CACNA2D3: variants seen among roughly 807,000 people sequenced by gnomAD.
The protein encoded by CACNA2D3 is calcium voltage-gated channel auxiliary subunit alpha2delta 3.
In CACNA2D3, 60 loss-of-function variants were observed where a neutral mutation model predicts 160.6. That is an observed-to-expected ratio of 0.37 (90% CI 0.30 to 0.46). The LOEUF is 0.46. CACNA2D3 is among the 20% of genes least tolerant of loss of function. CACNA2D3 has a pLI of 1.00. For missense variants in CACNA2D3, 1,205 were observed against 1,365.0 expected, an observed-to-expected ratio of 0.88 and a Z score of 1.85; for synonymous variants, 558 against 492.9, an observed-to-expected ratio of 1.13 and a Z score of -1.75.
intron 8 of CACNA2D3, among the ~76,000 whole-genome samples, chr3:54,580,987 A>T (rs1702666639): frequency 6.6e-6 from 1 of 152,188 alleles, no homozygotes; most frequent in Non-Finnish European, 1.5e-5. Flanking sequence ...GGGAAGGCTG[A>T]TGAGTAAAGA....
At chr3:54,449,831 C>T (rs1292880302) in intron 4 of CACNA2D3, among the ~76,000 whole-genome samples, 1 of 152,136 alleles carries the variant, frequency 6.6e-6, no homozygotes, top group Non-Finnish European at 1.5e-5. Context: ...AAGCAAGGAC[C>T]ATTTAAACCT....
chr3:54,642,686 C>T (rs1443584792), intron 11 of CACNA2D3, among the ~76,000 whole-genome samples: 1 of 152,170 alleles, frequency 6.6e-6, no homozygotes, highest in Non-Finnish European at 1.5e-5. Context: ...TCTCTATCTC[C>T]CACTGCTGTT....
intron 4 of CACNA2D3, among the ~76,000 whole-genome samples, chr3:54,468,419 A>G (rs1700667042): frequency 6.6e-6 from 1 of 152,192 alleles, no homozygotes; most frequent in South Asian, 2.1e-4. Flanking sequence ...TGCTTTTCCC[A>G]CAGTCTTTGC....
intron 11 of CACNA2D3, among the ~76,000 whole-genome samples, chr3:54,659,483 A>T (rs1699930745): frequency 6.6e-6 from 1 of 152,188 alleles, no homozygotes; most frequent in African/African-American, 2.4e-5. Context: ...CTTTCACCTG[A>T]TCCCCAGTTC....
At chr3:54,499,906 C>T (rs1039345731) in intron 4 of CACNA2D3, among the ~76,000 whole-genome samples, 1 of 152,006 alleles carries the variant, frequency 6.6e-6, no homozygotes, top group African/African-American at 2.4e-5. Flanking sequence ...TAAATTAGAT[C>T]CAATTGATGG....
At chr3:54,188,228 AAAAC>A (rs138439909) in intron 2 of CACNA2D3, among the ~76,000 whole-genome samples, 9,825 of 150,260 alleles carry the variant, frequency 0.065, 342 homozygotes, top group African/African-American at 0.08. Context: ...GGAGAACTTA[AAAAC>A]AAACAAACAA....
chr3:54,728,410 G>C (rs535279315), intron 11 of CACNA2D3, among the ~76,000 whole-genome samples: 2 of 152,074 alleles, frequency 1.3e-5, no homozygotes, highest in African/African-American at 2.4e-5. Context: ...TCAATTCTAG[G>C]AATTTCATAC....
chr3:54,854,080 C>T (rs113224476), intron 17 of CACNA2D3, among the ~76,000 whole-genome samples: 3 of 152,128 alleles, frequency 2.0e-5, no homozygotes, highest in South Asian at 2.1e-4. Flanking sequence ...GAACAGAGCC[C>T]GGGCGACTGC....
chr3:54,522,299 A>C (rs1701658129), intron 5 of CACNA2D3, among the ~76,000 whole-genome samples: 1 of 152,152 alleles, frequency 6.6e-6, no homozygotes. Context: ...TGATATTATA[A>C]ATGAAATTGT....
intron 11 of CACNA2D3, among the ~76,000 whole-genome samples, chr3:54,651,710 T>G (rs1185483010): frequency 6.6e-6 from 1 of 152,054 alleles, no homozygotes; most frequent in Non-Finnish European, 1.5e-5. Flanking sequence ...GTGCTATAAC[T>G]TGGAGGATAA....
intron 2 of CACNA2D3, among the ~76,000 whole-genome samples, chr3:54,228,668 C>T (rs1259974700): frequency 2.0e-5 from 3 of 152,220 alleles, no homozygotes; most frequent in Non-Finnish European, 4.4e-5. Context: ...TATTCTTTCT[C>T]CCATTATTGC....
At chr3:54,130,711 C>T (rs1016100598) in intron 2 of CACNA2D3, among the ~76,000 whole-genome samples, 8 of 152,196 alleles carry the variant, frequency 5.3e-5, no homozygotes, top group Non-Finnish European at 7.3e-5. Context: ...CTTGTCTTTG[C>T]GTGATCCTTT....
At chr3:54,652,151 G>A (rs150461495) in intron 11 of CACNA2D3, among the ~76,000 whole-genome samples, 17 of 151,860 alleles carry the variant, frequency 1.1e-4, no homozygotes, top group African/African-American at 3.4e-4. Flanking sequence ...GCCTCCACAC[G>A]ACCGTCACTC....
chr3:54,462,331 T>A (rs1428244757), intron 4 of CACNA2D3, among the ~76,000 whole-genome samples: 1 of 152,202 alleles, frequency 6.6e-6, no homozygotes, highest in Non-Finnish European at 1.5e-5. Flanking sequence ...CTGTGTATCC[T>A]TGTTAACTTT....
At chr3:54,340,650 T>C (rs1212239950) in intron 3 of CACNA2D3, among the ~76,000 whole-genome samples, 1 of 152,232 alleles carries the variant, frequency 6.6e-6, no homozygotes, top group Non-Finnish European at 1.5e-5. Flanking sequence ...ACATTTAATG[T>C]AATGTGACTG....
chr3:54,924,241 G>A (rs1269432434), intron 27 of CACNA2D3, among the ~76,000 whole-genome samples: 2 of 152,198 alleles, frequency 1.3e-5, no homozygotes, highest in African/African-American at 4.8e-5. Flanking sequence ...CCCAGAGAGA[G>A]ATAACCATAC....
In CACNA2D3 at chr3:55,042,946, T is replaced by C. The variant is rs137942937; in HGVS notation, c.2987+24629T>C. ...ATCAGCATAATGCATTTGAGATTTA[T>C]TCATATTACTGCTGGTATTCACTGT... is the stretch of plus-strand genomic sequence containing the variant. On this transcript the variant is annotated intron_variant, in intron 35 of 37. Transcript: ENST00000474759. 2.3e-4 allele frequency among the ~76,000 whole-genome samples: 35 copies of C among 152,324 alleles called. No individual in the cohort carries two copies. The East Asian group carries it at 6.6e-3, about 29-fold the overall frequency.
intron 27 of CACNA2D3, among the ~76,000 whole-genome samples, chr3:54,936,199 C>T (rs1701324522): frequency 6.6e-6 from 1 of 151,794 alleles, no homozygotes; most frequent in Non-Finnish European, 1.5e-5. Flanking sequence ...TAGTAATATA[C>T]ATTAGCTAGT....
Position 54,122,728 on chromosome 3 carries a change from C to T in CACNA2D3, c.15C>T (p.Gly5=). The stretch of plus-strand genomic sequence containing the variant: ...GGGAGCCCAGCATGGCCGGGCCGGG[C>T]TCGCCGCGCCGCGCGTCCCGGGGGG... MAGP[G]SPRRASRGAS... The change falls in exon 1 of 38, where the codon GGC becomes GGT. Residue 5 remains glycine (G), a synonymous_variant. Coordinates refer to ENST00000474759, the MANE Select transcript of CACNA2D3 (RefSeq NM_018398.3). 3.3e-6 allele frequency: 4 copies of T among 1,206,288 alleles called. No individual in the cohort carries two copies. Among genetic ancestry groups the T allele is most frequent in the Non-Finnish European group, 4.1e-6 (4 of 970,882 alleles). The allele number at this position is 1,206,288 out of a possible 1,614,324, so 74.7% of individuals were successfully genotyped here. A position where few individuals can be genotyped will look rare whatever the true frequency, so the allele number is the denominator to read the frequency against.
Sources: gnomAD v4.1 joint callset for allele counts (sites outside exome capture counted in the v4.1 genomes callset) on GRCh38, gnomAD v4.1.1 for gene constraint, MANE v1.5 for transcripts, NCBI Gene and HGNC (gene_info 2026-07-23, HGNC 2026-07-21) for gene names.